DNAH9: variants seen among roughly 807,000 people sequenced by gnomAD.
The protein encoded by DNAH9 is DNAH9 variant protein.
A neutral mutation model predicts 471.6 loss-of-function variants in DNAH9; 345 were observed. The observed-to-expected ratio is 0.73, with a 90% CI of 0.67 to 0.80. The LOEUF is 0.80. DNAH9 is among the 30% of genes least tolerant of loss of function. The pLI is 0.00. For synonymous variants in DNAH9, 2,093 were observed against 2,123.6 expected (o/e 0.99, Z 0.40); for missense variants, 5,407 against 5,609.2 (o/e 0.96, Z 1.15).
chr17:11,854,044 G>A lies in DNAH9; in HGVS notation c.9549G>A (p.Leu3183=). ...TGAAGTCATTTGGCTCTCCGCCTCT[G>A]GCCGTCAGCAATGTCAGCGCTGCGG... ...TELKSFGSPP[L]AVSNVSAAVM... is the part of the protein sequence containing the mutation. The change falls in exon 50 of 69, where the codon CTG becomes CTA. Residue 3183 remains leucine (L), a synonymous_variant. Coordinates refer to ENST00000262442, the MANE Select transcript of DNAH9 (RefSeq NM_001372.4). The A allele has an allele frequency of 6.2e-7, 1 of 1,614,124 alleles. No homozygotes were observed. The highest frequency in any genetic ancestry group is 8.5e-7 in the Non-Finnish European group (1 of 1,180,034).
Position 11,903,067 on chromosome 17 carries a change from G to A in DNAH9, c.11600+155G>A, listed in dbSNP as rs186947024. 3.8e-3 allele frequency among the ~76,000 whole-genome samples: 579 copies of A among 152,328 alleles called. 4 individuals are homozygous for A. The highest frequency in any genetic ancestry group is 6.7e-3 in the Non-Finnish European group (454 of 68,018). On this transcript the variant is annotated intron_variant, in intron 60 of 68. Transcript: ENST00000262442. ...TAGAAATTAACTAAACAGGCCAGGCGCGGTGGCTCACGCCTGTAATCCCAG... is the reference window on the plus strand; with the variant it reads ...TAGAAATTAACTAAACAGGCCAGGCACGGTGGCTCACGCCTGTAATCCCAG...
intron 17 of DNAH9, 27 bp downstream of exon 17, chr17:11,669,821 C>T (rs1267567558): frequency 1.3e-6 from 2 of 1,593,030 alleles, no homozygotes; most frequent in Non-Finnish European, 8.6e-7. Context: ...CACTTTCTTC[C>T]AGCATGCTAG....
chr17:11,638,089 C>T (rs1265282431), intron 9 of DNAH9, among the ~76,000 whole-genome samples: 3 of 152,154 alleles, frequency 2.0e-5, no homozygotes, highest in Non-Finnish European at 2.9e-5. Flanking sequence ...CTCAGTGTGC[C>T]GCCTTAGGGA....
At chr17:11,653,466 T>C (rs905062058) in intron 14 of DNAH9, among the ~76,000 whole-genome samples, 1 of 152,174 alleles carries the variant, frequency 6.6e-6, no homozygotes, top group South Asian at 2.1e-4. Flanking sequence ...TGCAGAGTGC[T>C]ACACTTCATG....
rs2075495173 is a variant in DNAH9, at chr17:11,744,898, G to A, written c.6213G>A (p.Met2071Ile). 1 of 1,614,200 alleles carries A rather than the reference G, an allele frequency of 6.2e-7. No individual in the cohort carries two copies. The highest frequency in any genetic ancestry group is 8.5e-7 in the Non-Finnish European group (1 of 1,180,036). Residue 2071 changes from methionine to isoleucine, a missense_variant, in exon 31 of 69, where the codon ATG becomes ATA. This residue lies in a region of DNAH9 where 4,636 missense variants were observed against 4,900.3 expected (regional missense o/e 0.95). Transcript: ENST00000262442. Reference sequence around the variant, plus strand: ...ACCGGCCTGAGGACCAGGTCCTGATGCGCTCCTTGCGGGATTTCAACATCC... The same window carrying A: ...ACCGGCCTGAGGACCAGGTCCTGATACGCTCCTTGCGGGATTTCAACATCC... ...DPDRPEDQVL[M>I]RSLRDFNIPK...
intron 43 of DNAH9, 82 bp downstream of exon 43, chr17:11,797,875 CT>C: frequency 7.0e-7 from 1 of 1,430,010 alleles, no homozygotes; most frequent in East Asian, 2.3e-5. Flanking sequence ...TTTGAGGTCA[CT>C]TCCGTAAAGC....
chr17:11,621,842 G>A (rs2072874506), intron 6 of DNAH9, among the ~76,000 whole-genome samples: 1 of 152,162 alleles, frequency 6.6e-6, no homozygotes, highest in South Asian at 2.1e-4. Context: ...AGCACTTTAG[G>A]AGGCCGAGGC....
At chr17:11,778,215 A>T (rs910648686) in intron 38 of DNAH9, among the ~76,000 whole-genome samples, 4 of 151,140 alleles carry the variant, frequency 2.6e-5, no homozygotes, top group Non-Finnish European at 4.4e-5. Flanking sequence ...AGAAACAACT[A>T]CTCGGGAGGC....
intron 43 of DNAH9, among the ~76,000 whole-genome samples, chr17:11,805,626 T>TA (rs927498986): frequency 7.4e-6 from 1 of 134,274 alleles, no homozygotes; most frequent in African/African-American, 2.8e-5. Flanking sequence ...TGGCTCACTG[T>TA]AACCTGTAAC....
intron 12 of DNAH9, 32 bp from the exon 13 acceptor site, chr17:11,651,037 C>G (rs771257819): frequency 1.9e-6 from 3 of 1,603,034 alleles, no homozygotes; most frequent in Non-Finnish European, 2.6e-6. Flanking sequence ...TATCACTGAA[C>G]GACAGACACT....
At chr17:11,787,260 G>A (rs770456221) in intron 41 of DNAH9, among the ~76,000 whole-genome samples, 1 of 152,178 alleles carries the variant, frequency 6.6e-6, no homozygotes, top group Non-Finnish European at 1.5e-5. Flanking sequence ...GTTACAGCTT[G>A]GTGTTTGCCT....
Position 11,598,559 on chromosome 17 carries a change from G to A in DNAH9, c.61G>A (p.Ala21Thr), listed in dbSNP as rs1327098113. The A allele has an allele frequency of 7.1e-6, 10 of 1,407,486 alleles. No individual in the cohort carries two copies. Among genetic ancestry groups the A allele is most frequent in the Non-Finnish European group, 8.3e-6 (9 of 1,088,790 alleles). The allele number at this position is 1,407,486 out of a possible 1,614,324, so 87.2% of individuals were successfully genotyped here. A position where few individuals can be genotyped will look rare whatever the true frequency, so the allele number is the denominator to read the frequency against. Residue 21 changes from alanine (A) to threonine (T), a missense_variant, in exon 1 of 69, where the codon GCC becomes ACC. By Grantham distance (58) the Ala-to-Thr change is moderately conservative (BLOSUM62 0). Coordinates refer to ENST00000262442, the MANE Select transcript of DNAH9 (RefSeq NM_001372.4). ...AAENADGEPG[A>T]DRRLRLLGTY... ...GGAGAACGCGGATGGGGAACCCGGC[G>A]CCGACCGACGACTGCGACTCCTGGG...
chr17:11,886,998 TA>T (rs746770801), intron 57 of DNAH9, 33 bp downstream of exon 57: 3 of 1,595,440 alleles, frequency 1.9e-6, no homozygotes, highest in Non-Finnish European at 2.6e-6. Context: ...TGCCTGATTA[TA>T]ATAAAGCAGT....
In DNAH9 at chr17:11,969,403, A is replaced by G; in HGVS notation, c.13337A>G (p.Tyr4446Cys). ...PADKQDCRSV[Y>C]SCPVYKTSQR... ...GATAAGCAGGACTGCCGCAGTGTCT[A>G]TTCCTGTCCTGTGTACAAGACTAGT... is the stretch of plus-strand genomic sequence containing the variant. Residue 4446 changes from tyrosine (Y) to cysteine (C), a missense_variant, in exon 69 of 69, where the codon TAT becomes TGT. This residue lies in a region of DNAH9 where 4,636 missense variants were observed against 4,900.3 expected (regional missense o/e 0.95). Transcript: ENST00000262442. 3.7e-6 allele frequency: 6 copies of G among 1,614,084 alleles called. No homozygotes were observed. Among genetic ancestry groups the G allele is most frequent in the Non-Finnish European group, 5.1e-6 (6 of 1,180,036 alleles).
intron 6 of DNAH9, among the ~76,000 whole-genome samples, chr17:11,620,245 T>G (rs1373600412): frequency 6.6e-6 from 1 of 152,094 alleles, no homozygotes; most frequent in Non-Finnish European, 1.5e-5. Flanking sequence ...AGGCATGCGG[T>G]GGCTCATGCC....
chr17:11,794,033 GCAAT>G (rs1969153789), intron 42 of DNAH9, among the ~76,000 whole-genome samples: 1 of 135,456 alleles, frequency 7.4e-6, no homozygotes, highest in Non-Finnish European at 1.5e-5. Flanking sequence ...GAAATTTTGA[GCAAT>G]TTTTTTTTTT....
chr17:11,961,091 G>C (rs938886447), intron 67 of DNAH9, among the ~76,000 whole-genome samples: 1 of 152,126 alleles, frequency 6.6e-6, no homozygotes, highest in Non-Finnish European at 1.5e-5. Context: ...GAGGTGGGCT[G>C]ATCACTTGAG....
At chr17:11,938,214 C>T (rs1974775787) in intron 66 of DNAH9, among the ~76,000 whole-genome samples, 1 of 151,988 alleles carries the variant, frequency 6.6e-6, no homozygotes, top group Non-Finnish European at 1.5e-5. Flanking sequence ...AATCCCAGCA[C>T]TTTGGGAGGC....
At chr17:11,734,599 G>A (rs113046235) in intron 28 of DNAH9, among the ~76,000 whole-genome samples, 17 of 152,186 alleles carry the variant, frequency 1.1e-4, no homozygotes, top group Admixed American at 6.5e-5. Context: ...CTCCAGGCCC[G>A]GTGGGGCAGA....
Sources: gnomAD v4.1 joint callset for allele counts (sites outside exome capture counted in the v4.1 genomes callset) on GRCh38, gnomAD v4.1.1 for gene constraint, gnomAD v4.1.1 regional missense constraint, MANE v1.5 for transcripts, NCBI Gene and HGNC (gene_info 2026-07-23, HGNC 2026-07-21) for gene names.